SH3GLB1: variants seen among roughly 807,000 people sequenced by gnomAD.
SH3GLB1 encodes the protein SH3 domain containing GRB2 like, endophilin B1.
A neutral mutation model predicts 42.0 loss-of-function variants in SH3GLB1; 17 were observed. The observed-to-expected ratio is 0.40, with a 90% CI of 0.28 to 0.61. The LOEUF (loss-of-function observed/expected upper bound fraction) is 0.61. Ranked by LOEUF, SH3GLB1 falls within the 20% of genes least tolerant of loss-of-function variation. SH3GLB1 has a pLI of 0.36. For missense variants in SH3GLB1, 355 were observed against 426.3 expected (o/e 0.83, Z 1.47); for synonymous variants, 132 against 146.6 (o/e 0.90, Z 0.72).
intron 2 of SH3GLB1, among the ~76,000 whole-genome samples, chr1:86,717,250 A>C (rs1654588842): frequency 6.6e-6 from 1 of 152,270 alleles, no homozygotes; most frequent in South Asian, 2.1e-4. Flanking sequence ...TATTAAAAGT[A>C]ATAGACATTT....
intron 5 of SH3GLB1, chr1:86,730,462 G>A: frequency 1.2e-5 from 9 of 750,140 alleles, no homozygotes; most frequent in Non-Finnish European, 1.5e-5. Context: ...ACCATGTCCT[G>A]TATCTTCAGA....
intron 5 of SH3GLB1, chr1:86,729,988 G>A: frequency 8.9e-7 from 1 of 1,128,960 alleles, no homozygotes; most frequent in East Asian, 2.6e-5. Flanking sequence ...AAAAGAGTAT[G>A]CCATTTAAAC....
chr1:86,715,000 G>T (rs1380298607), intron 1 of SH3GLB1, among the ~76,000 whole-genome samples: 1 of 152,160 alleles, frequency 6.6e-6, no homozygotes, highest in African/African-American at 2.4e-5. Context: ...ACCTTTAAAA[G>T]ATGTCTTCAT....
At chr1:86,724,874 T>TAAAAAA (rs1165438979) in intron 5 of SH3GLB1, among the ~76,000 whole-genome samples, 80 of 97,864 alleles carry the variant, frequency 8.2e-4, no homozygotes, top group Non-Finnish European at 1.2e-3. Context: ...ACCCTGTCTT[T>TAAAAAA]AAAAAAAAAA....
At chr1:86,715,658 T>C in intron 1 of SH3GLB1, 66 bp from the exon 2 acceptor site, 1 of 1,482,318 alleles carries the variant, frequency 6.7e-7, no homozygotes, top group African/African-American at 1.4e-5. Context: ...TGCTTTTTAC[T>C]TATTGATATG....
Position 86,742,096 on chromosome 1 carries a change from TA to T in SH3GLB1, c.762-109del. On this transcript the variant is annotated intron_variant, in intron 7 of 8. Transcript: ENST00000370558. ...GTCATTAACGTATTATTAATATCTA[TA>T]AATCTTTTCCAATGTGAAGGTTGGT... 5 of 706,182 alleles carry T rather than the reference TA, an allele frequency of 7.1e-6. No individual in the cohort carries two copies. In the South Asian group the frequency reaches 9.1e-5, roughly 13 times the overall value. The allele number at this position is 706,182 out of a possible 1,614,324, so 43.7% of individuals were successfully genotyped here. A position where few individuals can be genotyped will look rare whatever the true frequency, so the allele number is the denominator to read the frequency against.
rs1656225020 is a variant in SH3GLB1 at position 86,744,851 on chromosome 1, G to T, written c.*1616G>T. 6.6e-6 allele frequency: 1 copy of T among 152,172 alleles called. No individual in the cohort carries two copies. Among genetic ancestry groups the T allele is most frequent in the Non-Finnish European group, 1.5e-5 (1 of 68,022 alleles). The allele number at this position is 152,172 out of a possible 1,614,324, so 9.4% of individuals were successfully genotyped here. On this transcript the variant is annotated 3_prime_UTR_variant, in exon 9 of 9. Transcript: ENST00000370558. Reference sequence around the variant, plus strand: ...GTGCCATGAGACAAATTCTTCTGCAGTTTTATAGTTGTACAAGATGTTTTG... The same window carrying T: ...GTGCCATGAGACAAATTCTTCTGCATTTTTATAGTTGTACAAGATGTTTTG...
At chr1:86,721,778 C>T (rs943282375) in intron 3 of SH3GLB1, among the ~76,000 whole-genome samples, 4 of 152,126 alleles carry the variant, frequency 2.6e-5, no homozygotes, top group East Asian at 3.9e-4. Flanking sequence ...AGTCACCCCT[C>T]GATATCCATG....
intron 5 of SH3GLB1, chr1:86,730,256 AG>A: frequency 7.2e-7 from 1 of 1,387,206 alleles, no homozygotes; most frequent in Non-Finnish European, 9.4e-7. Context: ...GGATATGTTC[AG>A]GTCTCTTTAG....
rs1448872829 is a variant in SH3GLB1 at position 86,704,856 on chromosome 1, T to G, written c.-44T>G. The G allele has an allele frequency of 7.0e-7, 1 of 1,429,494 alleles. No homozygotes were observed. The highest frequency in any genetic ancestry group is 1.5e-5 in the African/African-American group (1 of 67,460). The allele number at this position is 1,429,494 out of a possible 1,614,324, so 88.6% of individuals were successfully genotyped here. A position where few individuals can be genotyped will look rare whatever the true frequency, so the allele number is the denominator to read the frequency against. On this transcript the variant is annotated 5_prime_UTR_variant, in exon 1 of 9. Coordinates refer to ENST00000370558, the MANE Select transcript of SH3GLB1 (RefSeq NM_016009.5). ...CCAGCCCGGCCGCGGCACCTCCGCC[T>G]CGCCGCCGCTAGGTCGGCCGGCTCC...
chr1:86,732,652 A>T (rs1310739480), intron 5 of SH3GLB1, among the ~76,000 whole-genome samples: 1 of 152,134 alleles, frequency 6.6e-6, no homozygotes, highest in African/African-American at 2.4e-5. Context: ...TAAGCTTTGT[A>T]ACATGGTGCC....
At chr1:86,724,892 A>AAAAAAAAATATATATATATATATATATAT in intron 5 of SH3GLB1, among the ~76,000 whole-genome samples, 1 of 99,682 alleles carries the variant, frequency 1.0e-5, no homozygotes, top group Non-Finnish European at 1.8e-5. Context: ...AAAAAAAAAA[A>AAAAAAAAATATATATATATATATATATAT]ATATATATAT....
intron 1 of SH3GLB1, among the ~76,000 whole-genome samples, chr1:86,708,607 G>A (rs960209209): frequency 1.3e-5 from 2 of 152,198 alleles, no homozygotes; most frequent in African/African-American, 4.8e-5. Context: ...AGACTAGAAT[G>A]TATAAATGAG....
At chr1:86,743,042 T>A in intron 8 of SH3GLB1, 86 bp from the exon 9 acceptor site, 1 of 1,056,396 alleles carries the variant, frequency 9.5e-7, no homozygotes, top group East Asian at 2.4e-5. Flanking sequence ...GTGAATAATT[T>A]AAACAAATTA....
intron 7 of SH3GLB1, among the ~76,000 whole-genome samples, chr1:86,736,473 A>G (rs1391769471): frequency 6.6e-6 from 1 of 152,174 alleles, no homozygotes; most frequent in Non-Finnish European, 1.5e-5. Flanking sequence ...ATAACTATAT[A>G]TTTGAGGTTT....
At chr1:86,732,160 C>T (rs1488506653) in intron 5 of SH3GLB1, among the ~76,000 whole-genome samples, 2 of 152,192 alleles carry the variant, frequency 1.3e-5, no homozygotes, top group East Asian at 3.8e-4. Flanking sequence ...CAACACTGAT[C>T]AAGATAGTCA....
chr1:86,719,916 A>C (rs1654769043), intron 3 of SH3GLB1, among the ~76,000 whole-genome samples: 1 of 150,094 alleles, frequency 6.7e-6, no homozygotes, highest in Admixed American at 6.7e-5. Context: ...GAATGGCGTG[A>C]ACCTTGGACG....
rs866304322 is a variant in SH3GLB1 at position 86,719,797 on chromosome 1, T to C, written c.343+162T>C. Among the ~76,000 whole-genome samples the C allele has an allele frequency of 4.3e-4, 65 of 151,876 alleles. No individual in the cohort carries two copies. The Middle Eastern group carries it at 0.01, about 24-fold the overall frequency. On this transcript the variant is annotated intron_variant, in intron 3 of 8. Coordinates refer to ENST00000370558, the MANE Select transcript of SH3GLB1 (RefSeq NM_016009.5). ...GATCATGAGGTCAGGAGATCGAGACTATCCTGGCTAACATGGTGAAACCCC... is the reference window on the plus strand; with the variant it reads ...GATCATGAGGTCAGGAGATCGAGACCATCCTGGCTAACATGGTGAAACCCC...
chr1:86,729,622 TTATAG>T (rs1262220027), intron 5 of SH3GLB1, among the ~76,000 whole-genome samples: 1 of 152,184 alleles, frequency 6.6e-6, no homozygotes, highest in Non-Finnish European at 1.5e-5. Context: ...TAATGTAATC[TTATAG>T]TAATATATAT....
Sources: allele counts gnomAD v4.1 joint callset (sites outside exome capture counted in the v4.1 genomes callset), GRCh38; gene constraint gnomAD v4.1.1; transcripts MANE v1.5; gene names NCBI Gene and HGNC (gene_info 2026-07-23, HGNC 2026-07-21).